CDH18: variants seen among roughly 807,000 people sequenced by gnomAD.
CDH18 encodes the protein cadherin 18, also known as cadherin-18.
In CDH18, 31 loss-of-function variants were observed where a neutral mutation model predicts 67.9. The observed-to-expected ratio is 0.46, with a 90% CI of 0.34 to 0.62. The LOEUF (loss-of-function observed/expected upper bound fraction) is 0.62, where lower values mean the gene tolerates loss of function less well. Among genes scored for constraint, CDH18 ranks in the 20% least tolerant of loss-of-function variants. CDH18 has a pLI of 0.01. For synonymous variants in CDH18, 362 were observed against 347.2 expected (o/e 1.04, Z -0.48); for missense variants, 890 against 975.5 (o/e 0.91, Z 1.17).
intron 11 of CDH18, among the ~76,000 whole-genome samples, chr5:19,493,752 T>C (rs1256574516): frequency 6.6e-6 from 1 of 152,194 alleles, no homozygotes; most frequent in Non-Finnish European, 1.5e-5. Flanking sequence ...ATCACATTAG[T>C]TTAGAGAAAG....
At chr5:19,803,589 C>A (rs931973446) in intron 3 of CDH18, among the ~76,000 whole-genome samples, 25 of 152,114 alleles carry the variant, frequency 1.6e-4, no homozygotes, top group Non-Finnish European at 1.8e-4. Flanking sequence ...CAGCCTTTTC[C>A]CAGCGAGTAA....
chr5:19,718,331 T>G (rs1364146335), intron 5 of CDH18, among the ~76,000 whole-genome samples: 1 of 151,974 alleles, frequency 6.6e-6, no homozygotes, highest in African/African-American at 2.4e-5. Context: ...TCATACTAAT[T>G]AGGGGAATGG....
intron 1 of CDH18, among the ~76,000 whole-genome samples, chr5:20,335,155 T>C (rs542449839): frequency 6.6e-6 from 1 of 152,164 alleles, no homozygotes; most frequent in African/African-American, 2.4e-5. Context: ...CCTTCCTCCC[T>C]CATTATGCCT....
chr5:20,326,183 A>G (rs946609576), intron 1 of CDH18, among the ~76,000 whole-genome samples: 6 of 152,200 alleles, frequency 3.9e-5, no homozygotes, highest in Non-Finnish European at 7.3e-5. Flanking sequence ...ATGTGCCAAT[A>G]CTGTACCTAT....
chr5:20,373,318 C>A (rs1027499858), intron 1 of CDH18, among the ~76,000 whole-genome samples: 1 of 152,126 alleles, frequency 6.6e-6, no homozygotes, highest in Non-Finnish European at 1.5e-5. Flanking sequence ...TCCCTAGATG[C>A]TTCAGTTTCC....
intron 4 of CDH18, among the ~76,000 whole-genome samples, chr5:19,724,928 CTTT>C (rs34393612): frequency 1.7e-4 from 21 of 122,348 alleles, no homozygotes; most frequent in East Asian, 5.0e-4. Context: ...ATATTAAGGC[CTTT>C]TTTTTTTTTT....
intron 1 of CDH18, among the ~76,000 whole-genome samples, chr5:20,439,055 G>T (rs1268308581): frequency 6.6e-6 from 1 of 151,408 alleles, no homozygotes; most frequent in African/African-American, 2.4e-5. Flanking sequence ...TAACTTGTTT[G>T]TCCAGTGAAT....
chr5:19,471,312 A>T lies in CDH18; in HGVS notation c.*1914T>A, dbSNP rs750116811. Among the ~76,000 whole-genome samples, 15 of 152,138 alleles carry T rather than the reference A, an allele frequency of 9.9e-5. No individual in the cohort carries two copies. Among genetic ancestry groups the T allele is most frequent in the Middle Eastern group, 3.2e-3 (1 of 316 alleles). Reference sequence around the variant, plus strand: ...AAACTAAAATGTCGTAAAAAGCTTAAATTACATTTTATTCCTCAGGCTTAA... The same window carrying T: ...AAACTAAAATGTCGTAAAAAGCTTATATTACATTTTATTCCTCAGGCTTAA... On this transcript the variant is annotated 3_prime_UTR_variant, in exon 13 of 13. Coordinates refer to ENST00000382275, the MANE Select transcript of CDH18 (RefSeq NM_004934.5).
intron 2 of CDH18, among the ~76,000 whole-genome samples, chr5:20,097,688 A>G (rs1746109367): frequency 6.6e-6 from 1 of 152,172 alleles, no homozygotes; most frequent in African/African-American, 2.4e-5. Context: ...TCATTTGCCA[A>G]CATAATACTG....
chr5:19,871,087 G>C (rs1304400678), intron 2 of CDH18, among the ~76,000 whole-genome samples: 1 of 152,104 alleles, frequency 6.6e-6, no homozygotes, highest in African/African-American at 2.4e-5. Flanking sequence ...CAGATGTGCA[G>C]AGGTCATATA....
At chr5:19,768,754 C>A (rs1284665139) in intron 3 of CDH18, among the ~76,000 whole-genome samples, 1 of 151,920 alleles carries the variant, frequency 6.6e-6, no homozygotes, top group Non-Finnish European at 1.5e-5. Flanking sequence ...ATGGCAGCAA[C>A]AACAAACACC....
chr5:20,398,503 AG>A (rs1295000891), intron 1 of CDH18, among the ~76,000 whole-genome samples: 1 of 152,210 alleles, frequency 6.6e-6, no homozygotes, highest in African/African-American at 2.4e-5. Context: ...TTGTATAAAA[AG>A]ATGAGTGGAT....
rs562304713 is a variant in CDH18, at chr5:20,527,630, C to T, written c.-580+47832G>A. ...TCAACATTCTTAAAGAAAAGAATTT[C>T]CAACCAAGAATTTCATATCCAGCCA... On this transcript the variant is annotated intron_variant, in intron 1 of 14. Coordinates refer to the CDH18 transcript ENST00000507958. Among the ~76,000 whole-genome samples, 10 of 152,056 alleles carry T rather than the reference C, an allele frequency of 6.6e-5. No homozygotes were observed. The East Asian group carries it at 1.9e-3, about 29-fold the overall frequency.
intron 2 of CDH18, among the ~76,000 whole-genome samples, chr5:20,090,809 C>T (rs1464626116): frequency 6.6e-6 from 1 of 151,982 alleles, no homozygotes; most frequent in African/African-American, 2.4e-5. Flanking sequence ...GCGGCCAGAT[C>T]ACTTGAGCCC....
chr5:19,794,607 C>A (rs1193728398), intron 3 of CDH18, among the ~76,000 whole-genome samples: 2 of 151,982 alleles, frequency 1.3e-5, no homozygotes, highest in African/African-American at 4.8e-5. Flanking sequence ...TCTATAGGTT[C>A]TGTTTTTCTG....
At chr5:20,426,926 T>C (rs968691062) in intron 1 of CDH18, among the ~76,000 whole-genome samples, 1 of 151,084 alleles carries the variant, frequency 6.6e-6, no homozygotes, top group Admixed American at 6.6e-5. Context: ...AAAACTCATT[T>C]TCTCCATCTA....
intron 1 of CDH18, among the ~76,000 whole-genome samples, chr5:20,444,979 A>G (rs1429641864): frequency 1.3e-5 from 2 of 152,180 alleles, no homozygotes; most frequent in African/African-American, 4.8e-5. Context: ...ATAATCATTC[A>G]CAGACAGAGC....
chr5:19,520,033 T>G (rs553180359), intron 10 of CDH18, among the ~76,000 whole-genome samples: 1 of 152,304 alleles, frequency 6.6e-6, no homozygotes, highest in South Asian at 2.1e-4. Flanking sequence ...TATAATTTCT[T>G]ATACAGCAGA....
rs116798551 is a variant in CDH18, at chr5:20,199,876, C to T, written c.-518+55568G>A. 1.0e-3 allele frequency among the ~76,000 whole-genome samples: 159 copies of T among 152,270 alleles called. 1 individual carries two copies. Among genetic ancestry groups the T allele is most frequent in the African/African-American group, 3.7e-3 (153 of 41,572 alleles). On this transcript the variant is annotated intron_variant, in intron 2 of 14. Transcript: ENST00000507958. ...AAGTGTCTGGCATTTCCCCTGCTGG[C>T]ATTCATTCTCTCTCCTGCTACCTTG...
Sources: gnomAD v4.1 joint callset for allele counts (sites outside exome capture counted in the v4.1 genomes callset) on GRCh38, gnomAD v4.1.1 for gene constraint, MANE v1.5 for transcripts, NCBI Gene and HGNC (gene_info 2026-07-23, HGNC 2026-07-21) for gene names.